MYRIP: variants seen among roughly 807,000 people sequenced by gnomAD.
MYRIP encodes myosin VIIA and Rab interacting protein, also known as rab effector MyRIP.
MYRIP carries 49 observed loss-of-function variants against 98.0 expected under a neutral mutation model. The ratio of observed to expected loss-of-function variants is 0.50; its 90% CI spans 0.40 to 0.63. The LOEUF (loss-of-function observed/expected upper bound fraction) is 0.63, where lower values mean the gene tolerates loss of function less well. Among genes scored for constraint, MYRIP ranks in the 30% least tolerant of loss-of-function variants. The pLI is 0.00. For missense variants in MYRIP, 1,004 were observed against 1,058.2 expected (o/e 0.95, Z 0.71); for synonymous variants, 404 against 409.5 (o/e 0.99, Z 0.16).
intron 2 of MYRIP, among the ~76,000 whole-genome samples, chr3:39,961,376 T>C (rs1945322557): frequency 6.6e-6 from 1 of 152,150 alleles, no homozygotes; most frequent in African/African-American, 2.4e-5. Flanking sequence ...AGTGGCTTAC[T>C]GATGTAACCA....
chr3:39,890,535 G>C (rs1371019757), intron 1 of MYRIP, among the ~76,000 whole-genome samples: 2 of 151,164 alleles, frequency 1.3e-5, no homozygotes, highest in East Asian at 3.9e-4. Flanking sequence ...TATAGTTTCT[G>C]AGTTCTTATT....
chr3:40,254,437 GAA>G (rs1231949182), intron 16 of MYRIP, among the ~76,000 whole-genome samples: 7 of 127,448 alleles, frequency 5.5e-5, no homozygotes, highest in Non-Finnish European at 1.1e-4. Context: ...AGATAATATA[GAA>G]AGAGTGGGGC....
At chr3:39,884,623 G>C (rs767691996) in intron 1 of MYRIP, among the ~76,000 whole-genome samples, 2 of 151,938 alleles carry the variant, frequency 1.3e-5, no homozygotes, top group Non-Finnish European at 2.9e-5. Context: ...CATATATTTT[G>C]TTTCTCCCAT....
chr3:40,116,945 G>T (rs1949294245), intron 3 of MYRIP, among the ~76,000 whole-genome samples: 1 of 152,062 alleles, frequency 6.6e-6, no homozygotes, highest in African/African-American at 2.4e-5. Flanking sequence ...TCATAAGTTT[G>T]GAATGAGTGG....
intron 2 of MYRIP, among the ~76,000 whole-genome samples, chr3:39,901,890 A>G (rs1943751086): frequency 6.6e-6 from 1 of 152,202 alleles, no homozygotes; most frequent in Non-Finnish European, 1.5e-5. Flanking sequence ...CTAGCAAGGG[A>G]CATAACATTG....
intron 2 of MYRIP, among the ~76,000 whole-genome samples, chr3:39,936,584 T>C (rs1459979428): frequency 6.6e-6 from 1 of 152,146 alleles, no homozygotes; most frequent in African/African-American, 2.4e-5. Context: ...CTGTGCTGAG[T>C]TGCACAGCCA....
chr3:39,908,071 A>G (rs1048239004), intron 2 of MYRIP, among the ~76,000 whole-genome samples: 12 of 152,238 alleles, frequency 7.9e-5, no homozygotes, highest in African/African-American at 1.9e-4. Context: ...GCCAAAAGCT[A>G]GTTAGCATTT....
intron 1 of MYRIP, among the ~76,000 whole-genome samples, chr3:39,826,873 T>C (rs1941282881): frequency 6.6e-6 from 1 of 152,228 alleles, no homozygotes; most frequent in South Asian, 2.1e-4. Flanking sequence ...TTGATTGGTC[T>C]CTTTATTATT....
chr3:40,181,885 C>T (rs1950889564), intron 8 of MYRIP, among the ~76,000 whole-genome samples: 1 of 152,078 alleles, frequency 6.6e-6, no homozygotes, highest in Non-Finnish European at 1.5e-5. Context: ...ACATGCTTTC[C>T]ACTTTGCATG....
chr3:39,828,407 T>C (rs1301323733), intron 1 of MYRIP, among the ~76,000 whole-genome samples: 1 of 152,004 alleles, frequency 6.6e-6, no homozygotes, highest in Non-Finnish European at 1.5e-5. Context: ...GTCTGTTGTA[T>C]TGTCTTGTAT....
At chr3:40,012,774 T>C (rs1023503642) in intron 2 of MYRIP, among the ~76,000 whole-genome samples, 4 of 152,186 alleles carry the variant, frequency 2.6e-5, no homozygotes, top group African/African-American at 7.2e-5. Flanking sequence ...TGCCATTGGC[T>C]TCCCTGGTTC....
chr3:40,055,889 T>C (rs1947876184), intron 3 of MYRIP, among the ~76,000 whole-genome samples: 1 of 152,166 alleles, frequency 6.6e-6, no homozygotes, highest in African/African-American at 2.4e-5. Flanking sequence ...TTTCTTTAAC[T>C]AGATAATACA....
At chr3:40,189,138 C>T (rs1951125407) in intron 9 of MYRIP, among the ~76,000 whole-genome samples, 2 of 152,180 alleles carry the variant, frequency 1.3e-5, no homozygotes, top group Admixed American at 6.5e-5. Context: ...GTAGAGGATG[C>T]ACCTCGTCCT....
At chr3:40,042,218 G>T (rs901943690) in intron 2 of MYRIP, among the ~76,000 whole-genome samples, 1 of 142,942 alleles carries the variant, frequency 7.0e-6, no homozygotes, top group Non-Finnish European at 1.5e-5. Context: ...ATAAAAGCAG[G>T]ATACAAAATA....
At chr3:39,977,421 G>A (rs564788594) in intron 2 of MYRIP, among the ~76,000 whole-genome samples, 3 of 152,262 alleles carry the variant, frequency 2.0e-5, no homozygotes, top group Admixed American at 6.5e-5. Context: ...AATTGTTACC[G>A]CCTTTGGACA....
At chr3:39,866,051 T>C (rs187084538) in intron 1 of MYRIP, among the ~76,000 whole-genome samples, 2 of 152,236 alleles carry the variant, frequency 1.3e-5, no homozygotes, top group African/African-American at 4.8e-5. Flanking sequence ...GAGGCCACTA[T>C]CCTAAGCAAA....
chr3:39,877,130 G>A lies in MYRIP; in HGVS notation c.-30-23657G>A, dbSNP rs554869097. ...CTGATACCCTTTCTTCCAGTTGATC[G>A]CATCAGCTCCAGAGGCTTCTGCATT... On this transcript the variant is annotated intron_variant, in intron 1 of 16. Transcript: ENST00000302541. 1.2e-3 allele frequency among the ~76,000 whole-genome samples: 185 copies of A among 152,130 alleles called. 2 individuals are homozygous for A. In the South Asian group the frequency reaches 0.036, roughly 29 times the overall value.
intron 2 of MYRIP, among the ~76,000 whole-genome samples, chr3:39,978,822 G>GTT (rs771609813): frequency 3.0e-5 from 4 of 135,024 alleles, no homozygotes; most frequent in Admixed American, 7.3e-5. Context: ...ACTGGACTTT[G>GTT]TTTTTTTTTT....
At chr3:40,244,777 G>A (rs1257114845) in intron 13 of MYRIP, 170 bp downstream of exon 13, 1 of 739,018 alleles carries the variant, frequency 1.4e-6, no homozygotes, top group Non-Finnish European at 2.1e-6. Context: ...CCCTTTAAAA[G>A]TGTAGTCCTC....
Sources: gnomAD v4.1 joint callset for allele counts (sites outside exome capture counted in the v4.1 genomes callset) on GRCh38, gnomAD v4.1.1 for gene constraint, MANE v1.5 for transcripts, NCBI Gene and HGNC (gene_info 2026-07-23, HGNC 2026-07-21) for gene names.